Variants in DOP1B observed in about 807,000 individuals in gnomAD.
The protein encoded by DOP1B is DOP1 leucine zipper like protein B.
A neutral mutation model predicts 233.5 loss-of-function variants in DOP1B; 174 were observed. That is an observed-to-expected ratio of 0.75 (90% CI 0.66 to 0.85). The LOEUF (loss-of-function observed/expected upper bound fraction) is 0.85, where lower values mean the gene tolerates loss of function less well. Ranked by LOEUF, DOP1B falls within the 40% of genes least tolerant of loss-of-function variation. The pLI, the probability that DOP1B is intolerant of heterozygous loss-of-function variation, is 0.00. For synonymous variants in DOP1B, 1,190 were observed against 1,185.6 expected (o/e 1.00, Z -0.08); for missense variants, 2,652 against 2,846.6 (o/e 0.93, Z 1.56).
chr21:36,273,964 G>GCT (rs1402308942), intron 27 of DOP1B, among the ~76,000 whole-genome samples: 2 of 152,138 alleles, frequency 1.3e-5, no homozygotes, highest in African/African-American at 2.4e-5. Flanking sequence ...TGTAGTCCCA[G>GCT]CTACTGGGGA....
intron 2 of DOP1B, among the ~76,000 whole-genome samples, chr21:36,176,103 T>TATGTGTGTGTGTGTGTCC (rs1029236168): frequency 7.0e-6 from 1 of 142,038 alleles, no homozygotes; most frequent in Non-Finnish European, 1.6e-5. Context: ...TGTGCGTGTG[T>TATGTGTGTGTGTGTGTCC]GTGTGTGTGT....
intron 36 of DOP1B, 44 bp from the exon 37 acceptor site, chr21:36,293,276 C>T (rs1306037542): frequency 6.3e-7 from 1 of 1,589,520 alleles, no homozygotes. Context: ...ATCTCGAGCC[C>T]TCAGTAAAAC....
intron 27 of DOP1B, among the ~76,000 whole-genome samples, chr21:36,274,961 C>A (rs62232379): frequency 0.41 from 62,503 of 151,510 alleles, 12,940 homozygotes; most frequent in Middle Eastern, 0.51. Context: ...TCTTCTGCCT[C>A]AGCCTCCCAA....
At chr21:36,267,643 T>TTTTTTTG (rs2067244738) in intron 26 of DOP1B, among the ~76,000 whole-genome samples, 6 of 150,692 alleles carry the variant, frequency 4.0e-5, no homozygotes, top group Admixed American at 1.3e-4. Flanking sequence ...TTTTTTTTTT[T>TTTTTTTG]GAGATGGAGT....
intron 35 of DOP1B, among the ~76,000 whole-genome samples, chr21:36,290,119 A>G (rs2146260419): frequency 6.6e-6 from 1 of 152,324 alleles, no homozygotes; most frequent in East Asian, 1.9e-4. Flanking sequence ...CAGGATGTTG[A>G]TAATACGGCA....
chr21:36,158,127 A>G (rs2065836803), intron 1 of DOP1B, among the ~76,000 whole-genome samples: 1 of 152,164 alleles, frequency 6.6e-6, no homozygotes, highest in South Asian at 2.1e-4. Context: ...GAAATTAAAA[A>G]TGGGTAAAGA....
In DOP1B at chr21:36,289,055, A is replaced by C; in HGVS notation, c.6364A>C (p.Lys2122Gln). Residue 2122 changes from lysine to glutamine, a missense_variant, in exon 35 of 37, where the codon AAA (lysine) becomes CAA (glutamine). Physicochemically the swap from Lys to Gln is moderately conservative, Grantham distance 53. This residue lies in a region of DOP1B where 2,617 missense variants were observed against 2,794.3 expected (regional missense o/e 0.94). Transcript: ENST00000691173. ...TTTGCAAATTTATAGAAGCACCAAC[A>C]AAGTAAACAGAACGAAAGTTTCAGT... Reference protein sequence around the residue: ...DEDESLRSTNKVNRTKVSVPD... With the variant: ...DEDESLRSTNQVNRTKVSVPD... The C allele has an allele frequency of 6.2e-7, 1 of 1,612,274 alleles. No individual in the cohort carries two copies. Among genetic ancestry groups the C allele is most frequent in the Non-Finnish European group, 8.5e-7 (1 of 1,179,616 alleles).
At chr21:36,210,355 A>G (rs1201905277) in intron 5 of DOP1B, among the ~76,000 whole-genome samples, 2 of 151,936 alleles carry the variant, frequency 1.3e-5, no homozygotes, top group African/African-American at 4.8e-5. Flanking sequence ...TTAAAAATAC[A>G]AAAATTAGCC....
rs2065824737 is a variant in DOP1B at position 36,156,916 on chromosome 21, C to G, written c.-54C>G. On this transcript the variant is annotated 5_prime_UTR_variant, in exon 1 of 37. Coordinates refer to ENST00000691173, the MANE Select transcript of DOP1B (RefSeq NM_001320714.2). The stretch of plus-strand genomic sequence containing the variant: ...AGGGCTCCTCCGCGCCGCACGTGAG[C>G]GCGCCCGCCAACAGGGCCACTGCCG... The G allele has an allele frequency of 6.6e-6, 1 of 152,318 alleles. No individual in the cohort carries two copies. The highest frequency in any genetic ancestry group is 1.9e-4 in the East Asian group (1 of 5,192). The allele number at this position is 152,318 out of a possible 1,614,324, so 9.4% of individuals were successfully genotyped here. A position where few individuals can be genotyped will look rare whatever the true frequency, so the allele number is the denominator to read the frequency against.
chr21:36,165,033 A>G (rs997567811), intron 2 of DOP1B, among the ~76,000 whole-genome samples, 162 bp downstream of exon 2: 5 of 152,094 alleles, frequency 3.3e-5, no homozygotes, highest in Non-Finnish European at 5.9e-5. Flanking sequence ...AAATACCATT[A>G]TATATACAAT....
At chr21:36,178,611 G>T (rs1317570631) in intron 2 of DOP1B, among the ~76,000 whole-genome samples, 1 of 152,068 alleles carries the variant, frequency 6.6e-6, no homozygotes, top group East Asian at 1.9e-4. Context: ...TGTTTAAGCC[G>T]CCCACTCTGT....
At position 36,230,609 on chromosome 21, in the gene DOP1B, G is replaced by T. The variant is rs752310098; in HGVS notation, c.1825G>T (p.Val609Phe). Residue 609 changes from valine to phenylalanine, a missense_variant, in exon 14 of 37, where the codon GTT becomes TTT. Val to Phe is a conservative substitution (Grantham distance 50, BLOSUM62 -1). Coordinates refer to ENST00000691173, the MANE Select transcript of DOP1B (RefSeq NM_001320714.2). ...ELSEHLRVPR[V>F]SLERDDVWKK... ...CTCTGAGCACTTGAGGGTTCCTCGA[G>T]TTTCTCTGGAAAGGGACGACGTTTG... 9 of 1,614,234 alleles carry T rather than the reference G, an allele frequency of 5.6e-6. No individual in the cohort carries two copies. Among genetic ancestry groups the T allele is most frequent in the Non-Finnish European group, 8.5e-7 (1 of 1,180,040 alleles).
intron 2 of DOP1B, among the ~76,000 whole-genome samples, chr21:36,172,190 G>A (rs1178348597): frequency 1.3e-5 from 2 of 152,210 alleles, no homozygotes; most frequent in East Asian, 3.9e-4. Flanking sequence ...ATTTTGCTCT[G>A]GCGGGGAGGG....
intron 1 of DOP1B, among the ~76,000 whole-genome samples, chr21:36,160,044 A>C (rs1404384409): frequency 2.6e-5 from 4 of 152,114 alleles, no homozygotes; most frequent in African/African-American, 9.7e-5. Context: ...CCATGTTTAG[A>C]CACTTAGTAG....
chr21:36,195,101 G>C (rs919326849), intron 2 of DOP1B, among the ~76,000 whole-genome samples: 1 of 152,130 alleles, frequency 6.6e-6, no homozygotes, highest in African/African-American at 2.4e-5. Context: ...AGCACTTTGG[G>C]AGGCCAAGGC....
chr21:36,282,324 A>G (rs1339582660), intron 32 of DOP1B, among the ~76,000 whole-genome samples: 1 of 152,154 alleles, frequency 6.6e-6, no homozygotes, highest in Non-Finnish European at 1.5e-5. Flanking sequence ...AGGCTGAGGC[A>G]GGAGTATCAC....
chr21:36,220,007 T>G (rs544584325), intron 10 of DOP1B, among the ~76,000 whole-genome samples: 1 of 151,500 alleles, frequency 6.6e-6, no homozygotes, highest in South Asian at 2.1e-4. Flanking sequence ...AGAGGCAGAG[T>G]GAGTGGTGTT....
In DOP1B at chr21:36,223,328, A is replaced by G. The variant is rs2066647795; in HGVS notation, c.1348A>G (p.Arg450Gly). The change falls in exon 11 of 37, where the codon AGG (arginine) becomes GGG (glycine). Residue 450 changes from arginine (R) to glycine (G), a missense_variant. Coordinates refer to ENST00000691173, the MANE Select transcript of DOP1B (RefSeq NM_001320714.2). ...AGACTTTCTCTGGGATTATATGACA[A>G]GGTGTTTTGAGGAATGCTTTAGGTA... ...STDFLWDYMT[R>G]CFEECFRPVK... The G allele has an allele frequency of 3.7e-6, 6 of 1,609,846 alleles. No homozygotes were observed. Among genetic ancestry groups the G allele is most frequent in the South Asian group, 1.1e-5 (1 of 89,538 alleles).
In DOP1B at chr21:36,250,923, TCACTGCCCC is replaced by T. The variant is rs1457337394; in HGVS notation, c.4999-238_4999-230del. ...CCATCCGTCTCTCCACCTTGGCTGC[TCACTGCCCC>T]TTCCCCCCGCCGGCATGACACGCCA... On this transcript the variant is annotated intron_variant, in intron 21 of 36. Coordinates refer to ENST00000691173, the MANE Select transcript of DOP1B (RefSeq NM_001320714.2). Among the ~76,000 whole-genome samples the T allele has an allele frequency of 3.9e-5, 6 of 152,256 alleles. No homozygotes were observed. In the East Asian group the frequency reaches 9.7e-4, roughly 25 times the overall value.
Sources: allele counts gnomAD v4.1 joint callset (sites outside exome capture counted in the v4.1 genomes callset), GRCh38; gene constraint gnomAD v4.1.1; regional missense constraint gnomAD v4.1.1; transcripts MANE v1.5; gene names NCBI Gene and HGNC (gene_info 2026-07-23, HGNC 2026-07-21).